The following SCHIP1 variants were observed in gnomAD, a reference collection of about 807,000 sequenced individuals.
The protein encoded by SCHIP1 is schwannomin-interacting protein 1.
SCHIP1 carries 8 observed loss-of-function variants against 29.7 expected under a neutral mutation model. That is an observed-to-expected ratio of 0.27 (90% CI 0.16 to 0.49). SCHIP1 has a LOEUF of 0.49. Ranked by LOEUF, SCHIP1 falls within the 20% of genes least tolerant of loss-of-function variation. The pLI is 0.99. For missense variants in SCHIP1, 193 were observed against 294.6 expected (o/e 0.66, Z 2.52); for synonymous variants, 76 against 94.9 (o/e 0.80, Z 1.16).
At chr3:159,717,994 G>A in the SCHIP1 span, among the ~76,000 whole-genome samples, 191 of 152,184 alleles carry the variant, frequency 1.3e-3, no homozygotes, top group African/African-American at 4.5e-3. Flanking sequence ...AAATACTGGC[G>A]AACCAAATCC....
chr3:159,455,029 C>A, the SCHIP1 span, among the ~76,000 whole-genome samples: 1 of 152,068 alleles, frequency 6.6e-6, no homozygotes. Flanking sequence ...AAGGACGGAA[C>A]CCCAGCAGAT....
the SCHIP1 span, chr3:159,764,866 A>G: frequency 2.5e-6 from 4 of 1,587,310 alleles, no homozygotes; most frequent in African/African-American, 5.4e-5. The surrounding 1 kb of genome is among the most constrained non-coding windows in gnomAD (Gnocchi z 6.1). Context: ...CCTCAGGCAC[A>G]ATGGCAACGT....
the SCHIP1 span, among the ~76,000 whole-genome samples, chr3:159,590,602 T>C: frequency 2.0e-5 from 3 of 151,830 alleles, no homozygotes; most frequent in East Asian, 5.8e-4. Context: ...AATAAAGCAG[T>C]CCTGGTCCTT....
the SCHIP1 span, among the ~76,000 whole-genome samples, chr3:159,439,632 C>T: frequency 6.6e-6 from 1 of 152,146 alleles, no homozygotes; most frequent in Non-Finnish European, 1.5e-5. Flanking sequence ...CTCTAATGAT[C>T]AGTGATGTCG....
the SCHIP1 span, among the ~76,000 whole-genome samples, chr3:159,514,851 A>G: frequency 6.6e-6 from 1 of 152,082 alleles, no homozygotes; most frequent in African/African-American, 2.4e-5. Context: ...TATTTCCAAA[A>G]CAGATCTGCC....
Position 159,878,162 on chromosome 3 carries a change from T to C in SCHIP1, c.150-8045T>C, listed in dbSNP as rs561865847. On this transcript the variant is annotated intron_variant, in intron 2 of 6. Coordinates refer to ENST00000445224, the Ensembl canonical transcript of SCHIP1. ...CAAATGCTAATCATCAACTCGGTCA[T>C]GTTCTTTCCTTTTCTTTTTTAAATT... 6.1e-4 allele frequency among the ~76,000 whole-genome samples: 93 copies of C among 152,330 alleles called. 1 individual carries two copies. The South Asian group carries it at 0.016, about 26-fold the overall frequency.
chr3:159,573,629 G>T, the SCHIP1 span, among the ~76,000 whole-genome samples: 289 of 152,254 alleles, frequency 1.9e-3, 8 homozygotes, highest in East Asian at 0.039. Context: ...GGCATTCTCT[G>T]TATTTCCTGA....
At chr3:159,370,208 T>G in the SCHIP1 span, among the ~76,000 whole-genome samples, 3 of 152,114 alleles carry the variant, frequency 2.0e-5, no homozygotes, top group African/African-American at 7.2e-5. Flanking sequence ...AGATCTGGCT[T>G]CCCATTTCTC....
chr3:159,725,666 G>T, the SCHIP1 span, among the ~76,000 whole-genome samples: 1 of 152,170 alleles, frequency 6.6e-6, no homozygotes, highest in Admixed American at 6.5e-5. Flanking sequence ...CTTTCAAGAA[G>T]AAAAAGGTGT....
intron 1 of SCHIP1, among the ~76,000 whole-genome samples, chr3:159,864,470 TAC>T (rs58371525): frequency 0.11 from 15,275 of 139,686 alleles, 1,058 homozygotes; most frequent in East Asian, 0.28. Flanking sequence ...ATGGCTGTAC[TAC>T]ACACACACAC....
the SCHIP1 span, among the ~76,000 whole-genome samples, chr3:159,328,221 A>T: frequency 6.6e-6 from 1 of 152,242 alleles, no homozygotes; most frequent in East Asian, 1.9e-4. Flanking sequence ...TGACTACTAT[A>T]TTAGATGGCA....
At chr3:159,617,718 C>G in the SCHIP1 span, among the ~76,000 whole-genome samples, 149 of 152,280 alleles carry the variant, frequency 9.8e-4, no homozygotes, top group African/African-American at 2.8e-3. Flanking sequence ...TACTACCCCC[C>G]CTAGGAAGAG....
At chr3:159,721,129 T>C in the SCHIP1 span, among the ~76,000 whole-genome samples, 2 of 152,170 alleles carry the variant, frequency 1.3e-5, no homozygotes, top group African/African-American at 4.8e-5. Context: ...TCTGAACCCA[T>C]TTCAAATATG....
chr3:159,518,353 ATGTTTG>A, the SCHIP1 span, among the ~76,000 whole-genome samples: 11 of 152,206 alleles, frequency 7.2e-5, no homozygotes, highest in Middle Eastern at 3.4e-3. Context: ...GGTTATTTTT[ATGTTTG>A]ATTACTTACA....
the SCHIP1 span, among the ~76,000 whole-genome samples, chr3:159,492,480 C>T: frequency 6.6e-6 from 1 of 152,074 alleles, no homozygotes; most frequent in African/African-American, 2.4e-5. Flanking sequence ...CTGAGGCGAT[C>T]AACTGGAAGA....
chr3:159,631,064 T>C, the SCHIP1 span, among the ~76,000 whole-genome samples: 1 of 151,664 alleles, frequency 6.6e-6, no homozygotes, highest in Non-Finnish European at 1.5e-5. Flanking sequence ...GAGAAATAAG[T>C]ACATGAAAAG....
the SCHIP1 span, among the ~76,000 whole-genome samples, chr3:159,417,382 G>GT: frequency 6.6e-6 from 1 of 152,116 alleles, no homozygotes; most frequent in Non-Finnish European, 1.5e-5. Flanking sequence ...CGATAGAAAA[G>GT]TATTTCTTAA....
At chr3:159,327,114 C>T in the SCHIP1 span, among the ~76,000 whole-genome samples, 3 of 152,128 alleles carry the variant, frequency 2.0e-5, no homozygotes, top group Non-Finnish European at 4.4e-5. Flanking sequence ...AAGGAAATTA[C>T]CTGCTCTAGA....
At chr3:159,408,860 CT>C in the SCHIP1 span, among the ~76,000 whole-genome samples, 1 of 152,106 alleles carries the variant, frequency 6.6e-6, no homozygotes, top group Non-Finnish European at 1.5e-5. Flanking sequence ...GCCAATACCC[CT>C]GATAAACATT....
Sources: gnomAD v4.1 joint callset for allele counts (sites outside exome capture counted in the v4.1 genomes callset) on GRCh38, gnomAD v4.1.1 for gene constraint, Gnocchi (gnomAD v3.1) non-coding constraint, MANE v1.5 for transcripts, NCBI Gene and HGNC (gene_info 2026-07-23, HGNC 2026-07-21) for gene names.